The following LTBP3 variants were observed in gnomAD, a reference collection of about 807,000 sequenced individuals.
LTBP3 encodes the protein latent-transforming growth factor beta-binding protein 3.
Under a neutral mutation model 159.7 loss-of-function variants are expected in LTBP3, and 97 were observed. The observed-to-expected ratio is 0.61, with a 90% confidence interval of 0.52 to 0.72. The LOEUF is 0.72. Among genes scored for constraint, LTBP3 ranks in the 30% least tolerant of loss-of-function variants. LTBP3 has a pLI of 0.00. For synonymous variants in LTBP3, 824 were observed against 777.1 expected, an observed-to-expected ratio of 1.06 and a Z score of -1.00; for missense variants, 1,584 against 1,864.3, an observed-to-expected ratio of 0.85 and a Z score of 2.77.
At chr11:65,540,803 G>T (rs368896970) in intron 21 of LTBP3, 68 bp downstream of exon 21, 1 of 1,533,438 alleles carries the variant, frequency 6.5e-7, no homozygotes, top group Non-Finnish European at 8.9e-7. Context: ...AGCGAGTCCC[G>T]GCGGGATCCG....
rs76239022 is a variant in LTBP3 at position 65,551,593 on chromosome 11, G to A, written c.1532-29C>T. On this transcript the variant is annotated intron_variant, in intron 8 of 27. Transcript: ENST00000301873. ...AAAGGGAAGAAGATGGGGCCATGAA[G>A]TGTTGGGGCGGGAGAAGGGAGTCAG... 2,796 of 1,613,930 alleles carry A rather than the reference G, an allele frequency of 1.7e-3. 31 individuals carry two copies. In the African/African-American group the frequency reaches 0.031, roughly 18 times the overall value.
chr11:65,548,218 C>A, intron 11 of LTBP3, 173 bp from the exon 12 acceptor site: 2 of 932,054 alleles, frequency 2.1e-6, no homozygotes, highest in Non-Finnish European at 3.3e-6. Flanking sequence ...ATCAAGACCC[C>A]AGAAAGCTCC....
At position 65,553,740 on chromosome 11, in the gene LTBP3, G is replaced by C; in HGVS notation, c.825C>G (p.Pro275=). The C allele has an allele frequency of 6.3e-7, 1 of 1,579,400 alleles. No individual in the cohort carries two copies. Among genetic ancestry groups the C allele is most frequent in the Admixed American group, 1.8e-5 (1 of 57,138 alleles). ...PSHPRPPTQK[P]LGRCFQDTLP... ...GAGTGTCCTGAAAGCAGCGGCCCAG[G>C]GGCTTCTGGGTGGGCGGCCGGGGGT... The change falls in exon 3 of 28, where the codon CCC becomes CCG. Residue 275 remains proline, a synonymous_variant. Transcript: ENST00000301873. This position sits in a 1 kb window ranked among gnomAD's most constrained non-coding sequence, Gnocchi z 6.5.
At chr11:65,543,037 C>T in intron 18 of LTBP3, 68 bp downstream of exon 18, 1 of 1,581,302 alleles carries the variant, frequency 6.3e-7, no homozygotes, top group Non-Finnish European at 8.5e-7. Context: ...GGAGAAAGGC[C>T]ACAGTGTGTC....
intron 21 of LTBP3, 62 bp from the exon 22 acceptor site, chr11:65,540,676 G>A: frequency 4.8e-6 from 7 of 1,445,600 alleles, no homozygotes; most frequent in Non-Finnish European, 6.5e-6. Flanking sequence ...GCGTGGGCTG[G>A]GCGCACCACC....
intron 11 of LTBP3, among the ~76,000 whole-genome samples, chr11:65,549,960 A>G (rs12361377): frequency 1.3e-5 from 2 of 152,082 alleles, no homozygotes; most frequent in Non-Finnish European, 2.9e-5. Flanking sequence ...AAAGGAACCC[A>G]AATATTTCTT....
At position 65,541,588 on chromosome 11, in the gene LTBP3, G is replaced by T. The variant is rs1856140870; in HGVS notation, c.2725+12C>A. On this transcript the variant is annotated intron_variant, in intron 19 of 27. Transcript: ENST00000301873. ...TTGTCCAGTCCGAGGGAGGAGCTGG[G>T]AGGACACTCACCCTCACAACCGTGC... is the stretch of plus-strand genomic sequence containing the variant. The T allele has an allele frequency of 6.2e-7, 1 of 1,614,144 alleles. No individual in the cohort carries two copies. The highest frequency in any genetic ancestry group is 8.5e-7 in the Non-Finnish European group (1 of 1,180,008).
At position 65,554,553 on chromosome 11, in the gene LTBP3, T is replaced by C. The variant is rs542901754; in HGVS notation, c.332-173A>G. Among the ~76,000 whole-genome samples, 2 of 152,066 alleles carry C rather than the reference T, an allele frequency of 1.3e-5. No homozygotes were observed. Among genetic ancestry groups the C allele is most frequent in the Admixed American group, 1.3e-4 (2 of 15,284 alleles). On this transcript the variant is annotated intron_variant, in intron 1 of 27. Transcript: ENST00000301873. The surrounding 1 kb of genome is among the most constrained non-coding windows in gnomAD (Gnocchi z 5.3). ...CCAACATCCTTACACCTATGTTGGG[T>C]TCTGGAGTCTCAAGTCCAGGATTTA...
intron 1 of LTBP3, among the ~76,000 whole-genome samples, chr11:65,556,157 T>C (rs978539291): frequency 6.6e-6 from 1 of 151,950 alleles, no homozygotes; most frequent in African/African-American, 2.4e-5. Flanking sequence ...TGGACACACG[T>C]ACACTCACAC....
chr11:65,557,881 GCA>G lies in LTBP3; in HGVS notation c.77_78del (p.Leu26ProfsTer167). On this transcript the variant is annotated frameshift_variant, in exon 1 of 28. Coordinates refer to ENST00000301873, the MANE Select transcript of LTBP3 (RefSeq NM_001130144.3). LOFTEE classifies it high-confidence loss of function. The part of the protein sequence containing the change: ...RGAGAAGLLA[L>X]LLLLLLLLLG... ...AGCAGCAGCAGCAGCAGCAGCAGCA[GCA>G]GCGCCAGCAGCCCCGCCGCCCCCGC... The G allele has an allele frequency of 1.5e-6, 2 of 1,308,772 alleles. No homozygotes were observed. Among genetic ancestry groups the G allele is most frequent in the East Asian group, 3.5e-5 (1 of 28,230 alleles). 81.1% of individuals were successfully genotyped at this position (1,308,772 alleles called of 1,614,324 possible).
Position 65,539,056 on chromosome 11 carries a change from G to A in LTBP3, c.*24C>T. 2 of 1,356,736 alleles carry A rather than the reference G, an allele frequency of 1.5e-6. No individual in the cohort carries two copies. The highest frequency in any genetic ancestry group is 3.7e-5 in the Admixed American group (1 of 27,152). The allele number at this position is 1,356,736 out of a possible 1,614,324, so 84.0% of individuals were successfully genotyped here. On this transcript the variant is annotated 3_prime_UTR_variant, in exon 28 of 28. Transcript: ENST00000301873. ...AATCCCTCAGTGATCACCGAGGTCT[G>A]GGCCGAGGGCGGCGTCGGCGGCGTC...
intron 16 of LTBP3, chr11:65,543,900 A>G (rs1856261893): frequency 5.5e-6 from 2 of 360,588 alleles, no homozygotes; most frequent in Non-Finnish European, 1.1e-5. Flanking sequence ...TCTTCTGCTC[A>G]TGCAGTAAAG....
chr11:65,540,609 C>G lies in LTBP3; in HGVS notation c.2983G>C (p.Asp995His). Residue 995 changes from aspartate (D) to histidine (H), a missense_variant, in exon 22 of 28, where the codon GAC becomes CAC. By Grantham distance (81) the Asp-to-His change is moderately conservative. Around this residue, in one of 6 missense-constraint regions of LTBP3, gnomAD observed 514 missense variants for 530.3 expected, o/e 0.97. Coordinates refer to ENST00000301873, the MANE Select transcript of LTBP3 (RefSeq NM_001130144.3). ...NYGIPAHRDI[D>H]ECMLFGSEIC... ...TCCGACCCGAACAACATGCACTCGTCGATGTCTGCGGGGTGACAAACACTG... is the reference window on the plus strand; with the variant it reads ...TCCGACCCGAACAACATGCACTCGTGGATGTCTGCGGGGTGACAAACACTG... The G allele has an allele frequency of 1.2e-6, 2 of 1,606,068 alleles. No homozygotes were observed. The highest frequency in any genetic ancestry group is 1.7e-6 in the Non-Finnish European group (2 of 1,176,034).
At chr11:65,543,292 G>A in intron 17 of LTBP3, 68 bp from the exon 18 acceptor site, 1 of 1,612,856 alleles carries the variant, frequency 6.2e-7, no homozygotes, top group South Asian at 1.1e-5. Flanking sequence ...GGCAGCCAAA[G>A]CTTTCTCCCA....
In LTBP3 at chr11:65,547,917, C is replaced by T. The variant is rs1565096105; in HGVS notation, c.1846+3G>A. On this transcript the variant is annotated splice_donor_region_variant and intron_variant, in intron 12 of 27. Transcript: ENST00000301873. The surrounding 1 kb of genome is among the most constrained non-coding windows in gnomAD (Gnocchi z 4.6). Reference sequence around the variant, plus strand: ...GCATGCCCGCCGCCTGCCCTGCGCTCACCCACGCAGTAGCGGTGCTGGGGA... The same window carrying T: ...GCATGCCCGCCGCCTGCCCTGCGCTTACCCACGCAGTAGCGGTGCTGGGGA... 3.7e-6 allele frequency: 6 copies of T among 1,613,812 alleles called. No homozygotes were observed. In the South Asian group the frequency reaches 5.5e-5, roughly 15 times the overall value.
intron 1 of LTBP3, among the ~76,000 whole-genome samples, chr11:65,556,036 G>A (rs1218180688): frequency 3.3e-5 from 5 of 152,168 alleles, no homozygotes; most frequent in African/African-American, 2.4e-5. Context: ...AGCGGTGAGA[G>A]TGACCTCCCA....
chr11:65,553,613 C>T lies in LTBP3; in HGVS notation c.865-83G>A. ...AGGGTTGGGCCTTTTCCTCTTCCCC[C>T]GCCCCTCAGTTTTCTGCTATCCGAG... On this transcript the variant is annotated intron_variant, in intron 3 of 27. Coordinates refer to ENST00000301873, the MANE Select transcript of LTBP3 (RefSeq NM_001130144.3). This position sits in a 1 kb window ranked among gnomAD's most constrained non-coding sequence, Gnocchi z 6.5. 1.3e-6 allele frequency: 2 copies of T among 1,510,022 alleles called. No homozygotes were observed. The highest frequency in any genetic ancestry group is 2.4e-5 in the East Asian group (1 of 41,854). The allele number at this position is 1,510,022 out of a possible 1,614,324, so 93.5% of individuals were successfully genotyped here. A position where few individuals can be genotyped will look rare whatever the true frequency, so the allele number is the denominator to read the frequency against.
chr11:65,557,493 C>T, intron 1 of LTBP3, 136 bp downstream of exon 1: 1 of 1,234,406 alleles, frequency 8.1e-7, no homozygotes, highest in South Asian at 1.4e-5. Flanking sequence ...CCCTGAGGCC[C>T]CTGGTCCCCC....
At chr11:65,557,563 A>G in intron 1 of LTBP3, 66 bp downstream of exon 1, 1 of 1,596,122 alleles carries the variant, frequency 6.3e-7, no homozygotes, top group East Asian at 2.2e-5. Flanking sequence ...CCAAGACCCC[A>G]CTAGCTCTCC....
Sources: allele counts gnomAD v4.1 joint callset (sites outside exome capture counted in the v4.1 genomes callset), GRCh38; gene constraint gnomAD v4.1.1; regional missense constraint gnomAD v4.1.1; non-coding constraint Gnocchi (gnomAD v3.1); transcripts MANE v1.5; gene names NCBI Gene and HGNC (gene_info 2026-07-23, HGNC 2026-07-21).